Variants in OTOP3 observed in about 807,000 individuals in gnomAD.
OTOP3 encodes proton channel OTOP3.
Under a neutral mutation model 50.8 loss-of-function variants are expected in OTOP3, and 41 were observed. The ratio of observed to expected loss-of-function variants is 0.81; its 90% CI spans 0.63 to 1.05. OTOP3 has a LOEUF of 1.05. Ranked by LOEUF, OTOP3 falls within the 50% of genes least tolerant of loss-of-function variation. The pLI is 0.00. For missense variants in OTOP3, 788 were observed against 760.8 expected (o/e 1.04, Z -0.42); for synonymous variants, 320 against 324.4 (o/e 0.99, Z 0.14).
At chr17:74,945,536 C>T (rs1417401704) in intron 5 of OTOP3, among the ~76,000 whole-genome samples, 4 of 152,264 alleles carry the variant, frequency 2.6e-5, no homozygotes, top group African/African-American at 4.8e-5. Flanking sequence ...TTCCTTGGAA[C>T]GGGAAGTATA....
chr17:74,943,793 CATAAACG>C, intron 5 of OTOP3, 69 bp downstream of exon 5: 1 of 1,094,134 alleles, frequency 9.1e-7, no homozygotes, highest in East Asian at 2.8e-5. Context: ...CACACACACA[CATAAACG>C]CTACACTCTC....
At chr17:74,940,813 A>G (rs1046924286) in intron 1 of OTOP3, among the ~76,000 whole-genome samples, 2 of 152,212 alleles carry the variant, frequency 1.3e-5, no homozygotes, top group Non-Finnish European at 2.9e-5. Flanking sequence ...ACCTTTTAAA[A>G]GTAATCATAT....
chr17:74,938,386 G>A (rs774875642), intron 1 of OTOP3, among the ~76,000 whole-genome samples: 6 of 152,154 alleles, frequency 3.9e-5, no homozygotes, highest in Non-Finnish European at 7.4e-5. Context: ...AGCAGAGGAC[G>A]ATGGGTGGTC....
chr17:74,935,890 C>T (rs780957795), upstream of OTOP3: 147 of 1,547,526 alleles, frequency 9.5e-5, no homozygotes, highest in Non-Finnish European at 1.2e-4. Flanking sequence ...ACGATCCGCT[C>T]AGCGCCCGCA....
At chr17:74,946,064 G>C (rs1023339292) in intron 5 of OTOP3, among the ~76,000 whole-genome samples, 20 of 151,854 alleles carry the variant, frequency 1.3e-4, no homozygotes, top group African/African-American at 3.9e-4. Flanking sequence ...TGCAACCTCT[G>C]CCTCCCGGTC....
chr17:74,940,659 C>G (rs1400975742), intron 1 of OTOP3, among the ~76,000 whole-genome samples: 1 of 152,164 alleles, frequency 6.6e-6, no homozygotes, highest in Non-Finnish European at 1.5e-5. Context: ...TTGCCCACTC[C>G]TCATGAGAAT....
Position 74,942,989 on chromosome 17 carries a change from T to C in OTOP3, c.574-297T>C, listed in dbSNP as rs139530737. Among the ~76,000 whole-genome samples, 653 of 152,322 alleles carry C rather than the reference T, an allele frequency of 4.3e-3. 5 individuals are homozygous for C. Among genetic ancestry groups the C allele is most frequent in the African/African-American group, 0.014 (578 of 41,580 alleles). ...AATCTCCAGCTTCCTCTTAGGTTTCTCTTGTCACCAGGCATTGTGTTGGGT... is the reference window on the plus strand; with the variant it reads ...AATCTCCAGCTTCCTCTTAGGTTTCCCTTGTCACCAGGCATTGTGTTGGGT... On this transcript the variant is annotated intron_variant, in intron 3 of 6. Transcript: ENST00000328801.
At chr17:74,936,776 A>G (rs2039119891) in intron 1 of OTOP3, among the ~76,000 whole-genome samples, 1 of 152,090 alleles carries the variant, frequency 6.6e-6, no homozygotes, top group Admixed American at 6.5e-5. Flanking sequence ...AAATTTCACC[A>G]GTAATCCCGA....
At position 74,935,915 on chromosome 17, in the gene OTOP3, C is replaced by T; in HGVS notation, c.-7C>T. 2 of 1,546,104 alleles carry T rather than the reference C, an allele frequency of 1.3e-6. No homozygotes were observed. Among genetic ancestry groups the T allele is most frequent in the South Asian group, 1.2e-5 (1 of 84,060 alleles). ...CAGCGCCCGCAGTCGGTGGTTAGCC[C>T]ACGGCGATGCCTCTCCCGGCCTCAG... On this transcript the variant is annotated 5_prime_UTR_variant, in exon 1 of 7. Transcript: ENST00000328801.
chr17:74,940,616 T>G (rs1296873032), intron 1 of OTOP3, among the ~76,000 whole-genome samples: 1 of 152,144 alleles, frequency 6.6e-6, no homozygotes, highest in African/African-American at 2.4e-5. Flanking sequence ...GCACAAGCCC[T>G]ATCGTGAACT....
intron 1 of OTOP3, 68 bp downstream of exon 1, chr17:74,936,008 C>T: frequency 1.3e-6 from 2 of 1,531,700 alleles, no homozygotes; most frequent in Non-Finnish European, 1.7e-6. Flanking sequence ...TACTACCCAC[C>T]CCCCCAAAAG....
chr17:74,943,662 C>A lies in OTOP3; in HGVS notation c.689C>A (p.Thr230Asn), dbSNP rs2039198809. Reference protein sequence around the residue: ...TNLLLWVLAVTNDSMHREIEA... With the variant: ...TNLLLWVLAVNNDSMHREIEA... The stretch of plus-strand genomic sequence containing the variant: ...CTGCTGCTGTGGGTTCTGGCCGTTA[C>A]CAATGACTCCATGCACCGAGAGATC... Residue 230 changes from threonine (T) to asparagine (N), a missense_variant, in exon 5 of 7, where the codon ACC (threonine) becomes AAC (asparagine). Transcript: ENST00000328801. The A allele has an allele frequency of 6.2e-7, 1 of 1,613,002 alleles. No individual in the cohort carries two copies. Among genetic ancestry groups the A allele is most frequent in the Non-Finnish European group, 8.5e-7 (1 of 1,179,948 alleles).
intron 1 of OTOP3, 38 bp downstream of exon 1, chr17:74,935,978 G>T (rs1262852561): frequency 2.6e-6 from 4 of 1,538,224 alleles, no homozygotes; most frequent in Non-Finnish European, 3.5e-6. Context: ...CCCAGCTTGC[G>T]CACCCCAGAC....
At position 74,946,644 on chromosome 17, in the gene OTOP3, C is replaced by T. The variant is rs1352959766; in HGVS notation, c.752-17C>T. On this transcript the variant is annotated splice_polypyrimidine_tract_variant and intron_variant, in intron 5 of 6. Transcript: ENST00000328801. ...CCTGCCTGAATGTCTGTCCCTCCCA[C>T]CCTGCCTCCCTCCCAGGCAATGAGA... 14 of 1,588,462 alleles carry T rather than the reference C, an allele frequency of 8.8e-6. No individual in the cohort carries two copies. Among genetic ancestry groups the T allele is most frequent in the Non-Finnish European group, 1.2e-5 (14 of 1,164,680 alleles).
intron 6 of OTOP3, 54 bp downstream of exon 6, chr17:74,947,529 A>T: frequency 1.4e-6 from 2 of 1,467,328 alleles, no homozygotes; most frequent in Non-Finnish European, 1.8e-6. Flanking sequence ...GCAGACCCAG[A>T]AAGCCTCACT....
At chr17:74,938,730 G>A (rs72631374) in intron 1 of OTOP3, among the ~76,000 whole-genome samples, 21,876 of 152,108 alleles carry the variant, frequency 0.14, 2,364 homozygotes, top group East Asian at 0.37. Context: ...GAGAGGCCAT[G>A]CAGGCTGTGT....
intron 5 of OTOP3, among the ~76,000 whole-genome samples, 172 bp from the exon 6 acceptor site, chr17:74,946,489 G>C (rs1376899000): frequency 6.6e-6 from 1 of 152,240 alleles, no homozygotes; most frequent in African/African-American, 2.4e-5. Flanking sequence ...TGACCATTCT[G>C]TGGGATTTGT....
At chr17:74,940,887 C>A (rs1364576834) in intron 1 of OTOP3, among the ~76,000 whole-genome samples, 1 of 152,148 alleles carries the variant, frequency 6.6e-6, no homozygotes, top group East Asian at 1.9e-4. Context: ...CCTACCAAGC[C>A]CAGACACAGC....
rs201806252 is a variant in OTOP3, at chr17:74,946,715, G to A, written c.806G>A (p.Arg269Gln). Residue 269 changes from arginine (R) to glutamine (Q), a missense_variant, in exon 6 of 7, where the codon CGG (arginine) becomes CAG (glutamine). Physicochemically the swap from Arg to Gln is conservative, Grantham distance 43. Coordinates refer to ENST00000328801, the MANE Select transcript of OTOP3 (RefSeq NM_001272005.2). ...AATGCCACCGCGTGTGAAGCTTTCC[G>A]GAGAGGCTTCCTGATGCTCTACCCC... is the stretch of plus-strand genomic sequence containing the variant. ...CLNATACEAFRRGFLMLYPFS... is the reference protein window; with the variant it reads ...CLNATACEAFQRGFLMLYPFS... The A allele has an allele frequency of 4.1e-5, 66 of 1,613,022 alleles. 1 individual carries two copies. Among genetic ancestry groups the A allele is most frequent in the South Asian group, 5.5e-5 (5 of 91,084 alleles).
Sources: allele counts gnomAD v4.1 joint callset (sites outside exome capture counted in the v4.1 genomes callset), GRCh38; gene constraint gnomAD v4.1.1; transcripts MANE v1.5; gene names NCBI Gene and HGNC (gene_info 2026-07-23, HGNC 2026-07-21).